Variants in DIAPH2 observed in about 807,000 individuals in gnomAD.
DIAPH2 encodes diaphanous related formin 2.
In DIAPH2, 35 loss-of-function variants were observed where a neutral mutation model predicts 92.7. The ratio of observed to expected loss-of-function variants is 0.38; its 90% CI spans 0.29 to 0.50. The LOEUF (loss-of-function observed/expected upper bound fraction) is 0.50. Ranked by LOEUF, DIAPH2 falls within the 20% of genes least tolerant of loss-of-function variation. DIAPH2 has a pLI of 0.94. For synonymous variants in DIAPH2, 301 were observed against 280.4 expected, an observed-to-expected ratio of 1.07 and a Z score of -0.73; for missense variants, 701 against 819.5, an observed-to-expected ratio of 0.86 and a Z score of 1.77.
intron 4 of DIAPH2, among the ~76,000 whole-genome samples, chrX:96,775,588 G>A (rs1455096288): frequency 1.8e-5 from 2 of 110,542 alleles, no homozygotes; most frequent in Non-Finnish European, 3.8e-5. Flanking sequence ...AGTTGTTTTC[G>A]CTTATAGCTT....
intron 17 of DIAPH2, among the ~76,000 whole-genome samples, chrX:97,042,756 A>G (rs2066456211): frequency 8.9e-6 from 1 of 112,108 alleles, no homozygotes; most frequent in Non-Finnish European, 1.9e-5. Flanking sequence ...ACTTAAATTG[A>G]CATTGAGGCA....
chrX:96,751,583 A>T (rs1569383708), intron 3 of DIAPH2, among the ~76,000 whole-genome samples: 1 of 103,469 alleles, frequency 9.7e-6, no homozygotes. Flanking sequence ...CTCAAAAAAA[A>T]TAATAATAAT....
At chrX:96,713,877 G>A (rs914339178) in intron 1 of DIAPH2, among the ~76,000 whole-genome samples, 4 of 111,318 alleles carry the variant, frequency 3.6e-5, no homozygotes, top group Admixed American at 9.6e-5. Flanking sequence ...CTGTTTATCC[G>A]TTCACCTACT....
rs184843770 is a variant in DIAPH2, at chrX:96,924,062, A to G, written c.978+5445A>G. 2.8e-3 allele frequency among the ~76,000 whole-genome samples: 316 copies of G among 111,906 alleles called. 1 individual carries two copies. Among genetic ancestry groups the G allele is most frequent in the Non-Finnish European group, 4.2e-3 (224 of 53,141 alleles). ...GAGATTTTACTGCAAGCATACTTGT[A>G]AATTAGCCATTAATGTACTCAGACC... On this transcript the variant is annotated intron_variant, in intron 9 of 26. Transcript: ENST00000324765.
chrX:96,812,219 G>A (rs909502354), intron 4 of DIAPH2, among the ~76,000 whole-genome samples: 1 of 111,342 alleles, frequency 9.0e-6, no homozygotes, highest in African/African-American at 3.3e-5. Context: ...GTCTATTCAG[G>A]GATTCAACTT....
intron 26 of DIAPH2, among the ~76,000 whole-genome samples, chrX:97,445,342 A>G (rs1159915055): frequency 9.0e-6 from 1 of 110,648 alleles, no homozygotes; most frequent in South Asian, 3.9e-4. Context: ...TTTGCGCACT[A>G]CTTTCCTCAC....
chrX:97,396,530 G>C (rs1315115694), intron 25 of DIAPH2, among the ~76,000 whole-genome samples: 4 of 110,759 alleles, frequency 3.6e-5, no homozygotes, highest in Non-Finnish European at 7.6e-5. Flanking sequence ...AAATTAGCTG[G>C]GTATGGTGGC....
Position 97,585,762 on chromosome X carries a change from A to G in DIAPH2, c.3242-13491A>G, listed in dbSNP as rs1054119504. ...TCCACTTACTCCTCAACCTTCTGCA[A>G]TCTGGCTTCTGCTCCCCTTATTTCG... On this transcript the variant is annotated intron_variant, in intron 26 of 26. Transcript: ENST00000324765. Among the ~76,000 whole-genome samples, 2 of 111,546 alleles carry G rather than the reference A, an allele frequency of 1.8e-5. 1 individual carries two copies. The highest frequency in any genetic ancestry group is 1.9e-4 in the Admixed American group (2 of 10,489).
intron 3 of DIAPH2, among the ~76,000 whole-genome samples, chrX:96,745,131 C>T (rs189518259): frequency 1.4e-3 from 154 of 109,304 alleles, no homozygotes; most frequent in African/African-American, 4.8e-3. Context: ...CTCAGCCTCC[C>T]GAGTAGGTGG....
chrX:97,339,334 A>G (rs2069092475), intron 23 of DIAPH2, among the ~76,000 whole-genome samples: 1 of 109,984 alleles, frequency 9.1e-6, no homozygotes, highest in Admixed American at 9.8e-5. Context: ...AACCAACATG[A>G]TGAAACCCCA....
intron 4 of DIAPH2, among the ~76,000 whole-genome samples, chrX:96,767,826 CAT>C (rs776824745): frequency 9.0e-6 from 1 of 111,604 alleles, no homozygotes; most frequent in African/African-American, 3.2e-5. Flanking sequence ...AAAGTAAAAT[CAT>C]ATATGATCTC....
intron 4 of DIAPH2, among the ~76,000 whole-genome samples, chrX:96,820,631 AG>A (rs1335865583): frequency 2.7e-5 from 3 of 112,448 alleles, no homozygotes; most frequent in African/African-American, 9.7e-5. Flanking sequence ...AATGCAAAGC[AG>A]TTAAATATAT....
At chrX:96,893,993 G>A (rs921690706) in intron 5 of DIAPH2, among the ~76,000 whole-genome samples, 1 of 112,113 alleles carries the variant, frequency 8.9e-6, no homozygotes, top group Non-Finnish European at 1.9e-5. Flanking sequence ...TTTAAACCTG[G>A]AATCTTCTGT....
rs777460118 is a variant in DIAPH2 at position 97,072,973 on chromosome X, A to G, written c.2083A>G (p.Lys695Glu). ...GAACGCAGAAGCATTAGAAGAAAAG[A>G]AGACTGGGCCTACAAAGAAGAAAGT... ...QKNAEALEEK[K>E]TGPTKKKVKE... Residue 695 changes from lysine (K) to glutamate (E), a missense_variant, in exon 18 of 27, where the codon AAG becomes GAG. By Grantham distance (56) the Lys-to-Glu change is moderately conservative (BLOSUM62 1). Coordinates refer to ENST00000324765, the MANE Select transcript of DIAPH2 (RefSeq NM_006729.5). The G allele has an allele frequency of 8.3e-7, 1 of 1,202,100 alleles. No homozygotes were observed. Among genetic ancestry groups the G allele is most frequent in the South Asian group, 1.8e-5 (1 of 55,116 alleles).
At chrX:97,361,629 C>T (rs2069326595) in intron 24 of DIAPH2, among the ~76,000 whole-genome samples, 1 of 111,837 alleles carries the variant, frequency 8.9e-6, no homozygotes, top group African/African-American at 3.2e-5. Flanking sequence ...AATTCAGTAG[C>T]TTAGTAATAT....
At chrX:96,695,195 C>T (rs958151454) in intron 1 of DIAPH2, among the ~76,000 whole-genome samples, 2 of 111,996 alleles carry the variant, frequency 1.8e-5, no homozygotes, top group Non-Finnish European at 3.8e-5. Context: ...AAGTGATATG[C>T]CTGCCTCGGC....
chrX:97,127,903 G>A (rs1401521464), intron 21 of DIAPH2, among the ~76,000 whole-genome samples: 2 of 111,068 alleles, frequency 1.8e-5, no homozygotes, highest in East Asian at 5.7e-4. Context: ...AGCTACTTGG[G>A]AGGCTGAGGT....
chrX:97,364,920 AC>A (rs1488112374), intron 24 of DIAPH2, among the ~76,000 whole-genome samples: 2 of 110,521 alleles, frequency 1.8e-5, no homozygotes, highest in Non-Finnish European at 3.8e-5. Flanking sequence ...TCAGCTCTAG[AC>A]CCAAGTTTAT....
chrX:97,465,291 A>G (rs904456492), intron 26 of DIAPH2, among the ~76,000 whole-genome samples: 1 of 111,028 alleles, frequency 9.0e-6, no homozygotes, highest in Non-Finnish European at 1.9e-5. Context: ...ACACACACAC[A>G]CACGTTTATG....
Sources: gnomAD v4.1 joint callset for allele counts (sites outside exome capture counted in the v4.1 genomes callset) on GRCh38, gnomAD v4.1.1 for gene constraint, MANE v1.5 for transcripts, NCBI Gene and HGNC (gene_info 2026-07-23, HGNC 2026-07-21) for gene names.